Variants in SYT11 observed in about 807,000 individuals in gnomAD.
The protein encoded by SYT11 is synaptotagmin 11, also known as synaptotagmin-11.
In SYT11, 12 loss-of-function variants were observed where a neutral mutation model predicts 30.4. The observed-to-expected ratio is 0.39, with a 90% CI of 0.25 to 0.64. The LOEUF (loss-of-function observed/expected upper bound fraction) is 0.64. Ranked by LOEUF, SYT11 falls within the 30% of genes least tolerant of loss-of-function variation. SYT11 has a pLI of 0.45. For synonymous variants in SYT11, 204 were observed against 216.0 expected, an observed-to-expected ratio of 0.94 and a Z score of 0.49; for missense variants, 412 against 552.0, an observed-to-expected ratio of 0.75 and a Z score of 2.54.
At chr1:155,862,026 T>TCAATAAAAG (rs569645969) in intron 1 of SYT11, among the ~76,000 whole-genome samples, 61 of 152,332 alleles carry the variant, frequency 4.0e-4, no homozygotes, top group African/African-American at 1.3e-3. Flanking sequence ...AAAGGGGGTG[T>TCAATAAAAG]CAATAAAAGC....
rs1672802003 is a variant in SYT11 at position 155,872,900 on chromosome 1, G to A, written c.861+4109G>A. The stretch of plus-strand genomic sequence containing the variant: ...TGTGAGATGGCACAAGGTGAAGGAG[G>A]GATCAGATGGAGGACAGTTGCCTGA... On this transcript the variant is annotated intron_variant, in intron 2 of 3. Transcript: ENST00000368324. Among the ~76,000 whole-genome samples, 7 of 152,190 alleles carry A rather than the reference G, an allele frequency of 4.6e-5. No individual in the cohort carries two copies. The South Asian group carries it at 1.5e-3, about 32-fold the overall frequency.
chr1:155,863,191 C>T (rs1328951186), intron 1 of SYT11, among the ~76,000 whole-genome samples: 3 of 152,084 alleles, frequency 2.0e-5, no homozygotes, highest in South Asian at 2.1e-4. Flanking sequence ...TACAGTGGGT[C>T]GTGCTTATAA....
At chr1:155,870,886 T>C (rs1209966522) in intron 2 of SYT11, among the ~76,000 whole-genome samples, 1 of 44,420 alleles carries the variant, frequency 2.3e-5, no homozygotes, top group Non-Finnish European at 1.3e-4. Context: ...CTCAGATCCA[T>C]GTCACAGGGG....
intron 2 of SYT11, among the ~76,000 whole-genome samples, chr1:155,878,897 A>T (rs201608933): frequency 0.027 from 4,057 of 151,378 alleles, 64 homozygotes; most frequent in East Asian, 0.036. Context: ...ATAAATAAAT[A>T]AATTAATTAA....
chr1:155,876,719 C>T (rs1247787400), intron 2 of SYT11, among the ~76,000 whole-genome samples: 1 of 152,108 alleles, frequency 6.6e-6, no homozygotes, highest in Non-Finnish European at 1.5e-5. Context: ...ACCTCCATGT[C>T]CATCTCCTCT....
chr1:155,869,288 G>A (rs1180186323), intron 2 of SYT11, among the ~76,000 whole-genome samples: 1 of 13,846 alleles, frequency 7.2e-5, no homozygotes, highest in Non-Finnish European at 1.6e-4. Flanking sequence ...TTTTTTTTTT[G>A]AGACAGAGTT....
intron 1 of SYT11, among the ~76,000 whole-genome samples, chr1:155,863,535 C>T (rs1672624492): frequency 6.6e-6 from 1 of 152,084 alleles, no homozygotes; most frequent in Non-Finnish European, 1.5e-5. Context: ...CACCTGTAAT[C>T]CCAGCAATTT....
Position 155,881,308 on chromosome 1 carries a change from G to A in SYT11, c.1096G>A (p.Asp366Asn), listed in dbSNP as rs768745300. 29 of 1,614,068 alleles carry A rather than the reference G, an allele frequency of 1.8e-5. No homozygotes were observed. Among genetic ancestry groups the A allele is most frequent in the Middle Eastern group, 3.3e-4 (2 of 6,062 alleles). ...CATCTTCAATGAATCTTTCATCTAC[G>A]ACATCCCCACTGACCTCCTGCCTGA... The part of the protein sequence containing the change: ...NPIFNESFIY[D>N]IPTDLLPDIS... The change falls in exon 4 of 4, where the codon GAC (aspartate) becomes AAC (asparagine). Residue 366 changes from aspartate to asparagine, a missense_variant. By Grantham distance (23) the Asp-to-Asn change is conservative (BLOSUM62 1). Transcript: ENST00000368324.
chr1:155,877,548 AG>A (rs1480568184), intron 2 of SYT11, among the ~76,000 whole-genome samples: 3 of 141,748 alleles, frequency 2.1e-5, no homozygotes, highest in Non-Finnish European at 3.0e-5. Context: ...CACTGCGCCC[AG>A]CTAATTTTTT....
chr1:155,876,104 T>C (rs1176751637), intron 2 of SYT11, among the ~76,000 whole-genome samples: 1 of 152,152 alleles, frequency 6.6e-6, no homozygotes, highest in Non-Finnish European at 1.5e-5. Context: ...TTTTGCTCAA[T>C]TTAAGAATTC....
intron 1 of SYT11, among the ~76,000 whole-genome samples, chr1:155,861,614 G>GTTTGTT (rs971576560): frequency 3.3e-5 from 5 of 152,164 alleles, no homozygotes; most frequent in South Asian, 2.1e-4. Flanking sequence ...GGTAGCACTA[G>GTTTGTT]TTTGTTTTTG....
rs1672995442 is a variant in SYT11 at position 155,882,512 on chromosome 1, A to G, written c.*1004A>G. 1 of 152,356 alleles carries G rather than the reference A, an allele frequency of 6.6e-6. No individual in the cohort carries two copies. The highest frequency in any genetic ancestry group is 2.4e-5 in the African/African-American group (1 of 41,456). The allele number at this position is 152,356 out of a possible 1,614,324, so 9.4% of individuals were successfully genotyped here. A position where few individuals can be genotyped will look rare whatever the true frequency, so the allele number is the denominator to read the frequency against. On this transcript the variant is annotated 3_prime_UTR_variant, in exon 4 of 4. Coordinates refer to ENST00000368324, the MANE Select transcript of SYT11 (RefSeq NM_152280.5). ...GCTATGAAGTAGTAAAAGGCAGTCT[A>G]TAATTAACTGACAGACCTAACTGAA...
intron 1 of SYT11, among the ~76,000 whole-genome samples, chr1:155,863,294 T>A (rs1050208279): frequency 2.0e-5 from 3 of 151,428 alleles, no homozygotes; most frequent in Admixed American, 6.6e-5. Context: ...CTAAAAAAAA[T>A]TTTTTTTAAT....
intron 2 of SYT11, among the ~76,000 whole-genome samples, chr1:155,875,150 G>C (rs1047036492): frequency 7.1e-6 from 1 of 140,866 alleles, no homozygotes; most frequent in African/African-American, 2.5e-5. Context: ...CTACTCGGGA[G>C]GCTGAGGCAG....
At chr1:155,875,138 A>G (rs917120054) in intron 2 of SYT11, among the ~76,000 whole-genome samples, 2 of 146,676 alleles carry the variant, frequency 1.4e-5, no homozygotes, top group African/African-American at 2.5e-5. Context: ...CTGTAGTCCC[A>G]GCTACTCGGG....
Position 155,882,737 on chromosome 1 carries a change from T to A in SYT11, c.*1229T>A, listed in dbSNP as rs1037816010. On this transcript the variant is annotated 3_prime_UTR_variant, in exon 4 of 4. Transcript: ENST00000368324. ...AGACAAGTGACGACAGCCATTCCCC[T>A]TTGCAGCTATCTACTGTAGTGACAG... 1 of 152,366 alleles carries A rather than the reference T, an allele frequency of 6.6e-6. No individual in the cohort carries two copies. The highest frequency in any genetic ancestry group is 1.5e-5 in the Non-Finnish European group (1 of 68,066). 9.4% of individuals were successfully genotyped at this position (152,366 alleles called of 1,614,324 possible). A position where few individuals can be genotyped will look rare whatever the true frequency, so the allele number is the denominator to read the frequency against.
chr1:155,860,158 G>T lies in SYT11; in HGVS notation c.34+363G>T, dbSNP rs1672530704. Reference sequence around the variant, plus strand: ...GGTAGGCCAAGCCCTCCCCCTTGGGGCACACAGGGCGGTGCCCCTTCCTCC... The same window carrying T: ...GGTAGGCCAAGCCCTCCCCCTTGGGTCACACAGGGCGGTGCCCCTTCCTCC... On this transcript the variant is annotated intron_variant, in intron 1 of 3. Transcript: ENST00000368324. This position sits in a 1 kb window ranked among gnomAD's most constrained non-coding sequence, Gnocchi z 4.1. Among the ~76,000 whole-genome samples, 1 of 152,268 alleles carries T rather than the reference G, an allele frequency of 6.6e-6. No homozygotes were observed. The highest frequency in any genetic ancestry group is 1.5e-5 in the Non-Finnish European group (1 of 68,046).
At chr1:155,861,782 C>A (rs913373193) in intron 1 of SYT11, among the ~76,000 whole-genome samples, 2 of 152,166 alleles carry the variant, frequency 1.3e-5, no homozygotes, top group African/African-American at 4.8e-5. Context: ...CCACACCCAG[C>A]TAATTTTGTA....
chr1:155,879,168 G>C (rs1482698393), intron 2 of SYT11, among the ~76,000 whole-genome samples: 1 of 152,160 alleles, frequency 6.6e-6, no homozygotes, highest in Non-Finnish European at 1.5e-5. Context: ...TGTAATCCCA[G>C]CACTTTGGGA....
Sources: gnomAD v4.1 joint callset for allele counts (sites outside exome capture counted in the v4.1 genomes callset) on GRCh38, gnomAD v4.1.1 for gene constraint, Gnocchi (gnomAD v3.1) non-coding constraint, MANE v1.5 for transcripts, NCBI Gene and HGNC (gene_info 2026-07-23, HGNC 2026-07-21) for gene names.